The following EIF5A2 variants were observed in gnomAD, a reference collection of about 807,000 sequenced individuals.
EIF5A2 encodes the protein eukaryotic translation initiation factor 5A2, also known as eukaryotic translation initiation factor 5A-2.
A neutral mutation model predicts 16.4 loss-of-function variants in EIF5A2; 15 were observed. That is an observed-to-expected ratio of 0.92 (90% CI 0.61 to 1.41). The LOEUF is 1.41. Among genes scored for constraint, EIF5A2 ranks in the 40% most tolerant of loss-of-function variants. The pLI is 0.00. For missense variants in EIF5A2, 144 were observed against 189.5 expected (o/e 0.76, Z 1.41); for synonymous variants, 48 against 61.1 (o/e 0.79, Z 1.00).
rs181322537 is a variant in EIF5A2, at chr3:170,890,478, T to G, written c.*2882A>C. 1.3e-5 allele frequency: 2 copies of G among 152,248 alleles called. No homozygotes were observed. The highest frequency in any genetic ancestry group is 4.8e-5 in the African/African-American group (2 of 41,572). 9.4% of individuals were successfully genotyped at this position (152,248 alleles called of 1,614,324 possible). On this transcript the variant is annotated 3_prime_UTR_variant, in exon 5 of 5. Coordinates refer to ENST00000295822, the MANE Select transcript of EIF5A2 (RefSeq NM_020390.6). ...CTTGGTTAGCAACAGTTTCTTCAAG[T>G]GACTGAGCCCCTGGAAGGGAGCATG...
At position 170,907,760 on chromosome 3, in the gene EIF5A2, C is replaced by T. The variant is rs1189692801; in HGVS notation, c.47G>A (p.Ser16Asn). 6.3e-7 allele frequency: 1 copy of T among 1,586,910 alleles called. No individual in the cohort carries two copies. Among genetic ancestry groups the T allele is most frequent in the Admixed American group, 1.7e-5 (1 of 59,468 alleles). Residue 16 changes from serine to asparagine, a missense_variant, in exon 2 of 5, where the codon AGC becomes AAC. By Grantham distance (46) the Ser-to-Asn change is conservative. Transcript: ENST00000295822. ...GGCCGAGCACTGCATAGGGTAAGTGCTGGAAGCCCCGGCATCTCCAGTAGT... is the reference window on the plus strand; with the variant it reads ...GGCCGAGCACTGCATAGGGTAAGTGTTGGAAGCCCCGGCATCTCCAGTAGT... ...DFTTGDAGAS[S>N]TYPMQCSALR... is the part of the protein sequence containing the mutation.
rs1712494992 is a variant in EIF5A2, at chr3:170,890,233, G to C, written c.*3127C>G. On this transcript the variant is annotated 3_prime_UTR_variant, in exon 5 of 5. Coordinates refer to ENST00000295822, the MANE Select transcript of EIF5A2 (RefSeq NM_020390.6). ...CAGACTACAATACTTTTAAGAGTTG[G>C]GAGTTTGGAAAAAAGAACTAACATA... The C allele has an allele frequency of 6.6e-6, 1 of 151,952 alleles. No individual in the cohort carries two copies. The highest frequency in any genetic ancestry group is 2.4e-5 in the African/African-American group (1 of 41,412). The allele number at this position is 151,952 out of a possible 1,614,324, so 9.4% of individuals were successfully genotyped here.
At chr3:170,895,896 G>A (rs759167313) in intron 3 of EIF5A2, among the ~76,000 whole-genome samples, 1 of 152,120 alleles carries the variant, frequency 6.6e-6, no homozygotes, top group Non-Finnish European at 1.5e-5. Context: ...GGCTGGCCTC[G>A]AACTCCTGGG....
At chr3:170,908,083 C>A (rs143541596) in intron 1 of EIF5A2, among the ~76,000 whole-genome samples, 1 of 152,192 alleles carries the variant, frequency 6.6e-6, no homozygotes, top group Non-Finnish European at 1.5e-5. Context: ...CCGCCCTGGG[C>A]GCTCCTCCGT....
chr3:170,895,336 GA>G (rs376167211), intron 3 of EIF5A2, among the ~76,000 whole-genome samples: 240 of 143,844 alleles, frequency 1.7e-3, no homozygotes, highest in African/African-American at 5.0e-3. Context: ...TAACATTAGT[GA>G]AAAAAAAAAA....
chr3:170,899,355 GAGTTACTGGGACC>G lies in EIF5A2; in HGVS notation c.271-4945_271-4933del, dbSNP rs368136241. 4.1e-3 allele frequency among the ~76,000 whole-genome samples: 626 copies of G among 152,124 alleles called. 6 individuals are homozygous for G. The highest frequency in any genetic ancestry group is 0.014 in the African/African-American group (597 of 41,504). ...AGTGATCCACCCAACTCAGCCTCCC[GAGTTACTGGGACC>G]ATAGGCATACAACCACTATGCCTGT... On this transcript the variant is annotated intron_variant, in intron 3 of 4. Transcript: ENST00000295822.
At chr3:170,898,524 C>A (rs773992944) in intron 3 of EIF5A2, among the ~76,000 whole-genome samples, 5 of 152,280 alleles carry the variant, frequency 3.3e-5, no homozygotes, top group Admixed American at 6.5e-5. Flanking sequence ...GTCTCTCCTG[C>A]TGCCATATAA....
chr3:170,901,237 G>A (rs1712805709), intron 3 of EIF5A2, among the ~76,000 whole-genome samples: 2 of 152,194 alleles, frequency 1.3e-5, no homozygotes, highest in Non-Finnish European at 2.9e-5. Context: ...TGTTGAAGCT[G>A]AGTGACAGGT....
intron 3 of EIF5A2, among the ~76,000 whole-genome samples, chr3:170,897,069 C>A (rs552854219): frequency 2.6e-5 from 4 of 152,150 alleles, no homozygotes; most frequent in Non-Finnish European, 5.9e-5. Context: ...ATTTAGGTTA[C>A]CTGGCATAAG....
chr3:170,907,242 G>A (rs1712957918), intron 2 of EIF5A2, 149 bp from the exon 3 acceptor site: 1 of 553,182 alleles, frequency 1.8e-6, no homozygotes, highest in Non-Finnish European at 3.1e-6. Flanking sequence ...AAAATGTAGT[G>A]GTCTTACAAT....
intron 3 of EIF5A2, among the ~76,000 whole-genome samples, chr3:170,903,014 A>G (rs1254660229): frequency 1.3e-5 from 2 of 152,166 alleles, no homozygotes; most frequent in East Asian, 3.9e-4. Flanking sequence ...CCTCACAGAA[A>G]CAGGTCAGTC....
chr3:170,908,614 G>A lies in EIF5A2; in HGVS notation c.-107C>T, dbSNP rs1040245492. The A allele has an allele frequency of 6.5e-6, 1 of 152,916 alleles. No homozygotes were observed. The allele number at this position is 152,916 out of a possible 1,614,324, so 9.5% of individuals were successfully genotyped here. On this transcript the variant is annotated 5_prime_UTR_variant, in exon 1 of 5. Transcript: ENST00000295822. ...CCCCTACAGCAGCGGCGCCGGCAGCGGCGGTGGCGGCCGCGGCAGTTCCAA... is the reference window on the plus strand; with the variant it reads ...CCCCTACAGCAGCGGCGCCGGCAGCAGCGGTGGCGGCCGCGGCAGTTCCAA...
Position 170,892,797 on chromosome 3 carries a change from T to TA in EIF5A2, c.*562dup. 2.5e-6 allele frequency: 1 copy of TA among 398,842 alleles called. No homozygotes were observed. Among genetic ancestry groups the TA allele is most frequent in the Non-Finnish European group, 4.4e-6 (1 of 226,096 alleles). The allele number at this position is 398,842 out of a possible 1,614,324, so 24.7% of individuals were successfully genotyped here. A position where few individuals can be genotyped will look rare whatever the true frequency, so the allele number is the denominator to read the frequency against. ...TACATCAAGTTTGCCAACAATTTGG[T>TA]AAATAGTATGACCAAAGTAATCACA... On this transcript the variant is annotated 3_prime_UTR_variant, in exon 5 of 5. Transcript: ENST00000295822.
rs1012001148 is a variant in EIF5A2, at chr3:170,890,236, G to A, written c.*3124C>T. ...ACTACAATACTTTTAAGAGTTGGGAGTTTGGAAAAAAGAACTAACATATAA... is the reference window on the plus strand; with the variant it reads ...ACTACAATACTTTTAAGAGTTGGGAATTTGGAAAAAAGAACTAACATATAA... On this transcript the variant is annotated 3_prime_UTR_variant, in exon 5 of 5. Coordinates refer to ENST00000295822, the MANE Select transcript of EIF5A2 (RefSeq NM_020390.6). 6.6e-6 allele frequency: 1 copy of A among 152,040 alleles called. No homozygotes were observed. The highest frequency in any genetic ancestry group is 2.4e-5 in the African/African-American group (1 of 41,424). The allele number at this position is 152,040 out of a possible 1,614,324, so 9.4% of individuals were successfully genotyped here.
At chr3:170,901,025 G>T (rs1457396119) in intron 3 of EIF5A2, among the ~76,000 whole-genome samples, 1 of 152,122 alleles carries the variant, frequency 6.6e-6, no homozygotes, top group African/African-American at 2.4e-5. Flanking sequence ...GGAAAGAAAG[G>T]AAGAAAATAA....
In EIF5A2 at chr3:170,888,502, G is replaced by T. The variant is rs545676121; in HGVS notation, c.*4858C>A. 2.2e-4 allele frequency: 34 copies of T among 152,374 alleles called. No individual in the cohort carries two copies. Among genetic ancestry groups the T allele is most frequent in the African/African-American group, 7.5e-4 (31 of 41,522 alleles). 9.4% of individuals were successfully genotyped at this position (152,374 alleles called of 1,614,324 possible). A position where few individuals can be genotyped will look rare whatever the true frequency, so the allele number is the denominator to read the frequency against. ...TTAATAATATCACAAAGTTATAATT[G>T]TTAAGGTATTATCTATATTTAAAGG... On this transcript the variant is annotated 3_prime_UTR_variant, in exon 5 of 5. Transcript: ENST00000295822.
intron 3 of EIF5A2, among the ~76,000 whole-genome samples, chr3:170,899,610 G>GA (rs1712760638): frequency 3.3e-5 from 5 of 151,876 alleles, no homozygotes; most frequent in Non-Finnish European, 7.4e-5. Context: ...CCTATCAGGA[G>GA]GCAAATGTCA....
intron 3 of EIF5A2, among the ~76,000 whole-genome samples, chr3:170,899,733 G>GA (rs56115629): frequency 9.1e-4 from 131 of 143,214 alleles, no homozygotes; most frequent in Middle Eastern, 3.7e-3. Flanking sequence ...CAAGCTTTAA[G>GA]AAAAAAAAAA....
chr3:170,893,707 T>C (rs781613830), intron 4 of EIF5A2, among the ~76,000 whole-genome samples: 1 of 152,310 alleles, frequency 6.6e-6, no homozygotes, highest in South Asian at 2.1e-4. Flanking sequence ...CTTCACTCTT[T>C]AACATTCCAC....
Sources: allele counts gnomAD v4.1 joint callset (sites outside exome capture counted in the v4.1 genomes callset), GRCh38; gene constraint gnomAD v4.1.1; transcripts MANE v1.5; gene names NCBI Gene and HGNC (gene_info 2026-07-23, HGNC 2026-07-21).